CCDC178: variants seen among roughly 807,000 people sequenced by gnomAD.
The protein encoded by CCDC178 is coiled-coil domain containing 178.
Under a neutral mutation model 117.4 loss-of-function variants are expected in CCDC178, and 126 were observed. That is an observed-to-expected ratio of 1.07 (90% confidence interval 0.93 to 1.24). The LOEUF is 1.24. Ranked by LOEUF, CCDC178 falls within the 50% of genes most tolerant of loss-of-function variation. The pLI is 0.00. For synonymous variants in CCDC178, 283 were observed against 313.4 expected (o/e 0.90, Z 1.02); for missense variants, 1,030 against 986.9 (o/e 1.04, Z -0.59).
intron 22 of CCDC178, among the ~76,000 whole-genome samples, chr18:32,952,003 C>T (rs1031300631): frequency 2.0e-5 from 3 of 152,332 alleles, no homozygotes; most frequent in Admixed American, 6.5e-5. Flanking sequence ...GTCATGCTGA[C>T]GTAAGAGGTA....
intron 20 of CCDC178, among the ~76,000 whole-genome samples, chr18:33,101,817 A>G (rs903852459): frequency 2.0e-5 from 3 of 151,994 alleles, no homozygotes; most frequent in Non-Finnish European, 4.4e-5. Context: ...ATTAAGTAAA[A>G]GCTTTGAATG....
chr18:33,031,555 C>T (rs1038248335), intron 21 of CCDC178, among the ~76,000 whole-genome samples: 9 of 151,930 alleles, frequency 5.9e-5, no homozygotes, highest in African/African-American at 7.3e-5. Context: ...TACAGAAAAA[C>T]GCACAAGTAT....
At chr18:33,096,038 C>T (rs1349988274) in intron 20 of CCDC178, among the ~76,000 whole-genome samples, 1 of 151,706 alleles carries the variant, frequency 6.6e-6, no homozygotes, top group Non-Finnish European at 1.5e-5. Flanking sequence ...GGCTTGGCTT[C>T]CTTCTCTGTC....
chr18:33,348,958 G>C lies in CCDC178; in HGVS notation c.389C>G (p.Thr130Arg), dbSNP rs2062933277. 6.2e-7 allele frequency: 1 copy of C among 1,607,894 alleles called. No individual in the cohort carries two copies. The highest frequency in any genetic ancestry group is 1.3e-5 in the African/African-American group (1 of 74,646). Residue 130 changes from threonine to arginine, a missense_variant, in exon 8 of 23, where the codon ACA becomes AGA. Physicochemically the swap from Thr to Arg is moderately conservative, Grantham distance 71. Coordinates refer to ENST00000383096, the MANE Select transcript of CCDC178 (RefSeq NM_001105528.4). ...SFEEWSRTSS[T>R]KDLKEDWSVT... ...ACTCCAATCTTCTTTCAGGTCTTTT[G>C]TGGAAGAAGTTCTGCTCCTATATAA...
At chr18:33,000,318 A>G (rs1248655201) in intron 21 of CCDC178, among the ~76,000 whole-genome samples, 5 of 152,104 alleles carry the variant, frequency 3.3e-5, no homozygotes, top group Middle Eastern at 3.2e-3. Flanking sequence ...ATAATTAAAA[A>G]AAATAAAGCA....
At chr18:33,166,654 T>A (rs2058533764) in intron 20 of CCDC178, among the ~76,000 whole-genome samples, 1 of 152,198 alleles carries the variant, frequency 6.6e-6, no homozygotes, top group Non-Finnish European at 1.5e-5. Context: ...TCTGTCCCCA[T>A]CATCTTTCTA....
At chr18:33,283,568 A>G (rs9962637) in intron 12 of CCDC178, among the ~76,000 whole-genome samples, 10,476 of 152,228 alleles carry the variant, frequency 0.069, 558 homozygotes, top group African/African-American at 0.14. Context: ...TTTACAAGAG[A>G]AAACCAAGTA....
intron 21 of CCDC178, among the ~76,000 whole-genome samples, chr18:33,023,627 C>G (rs967918586): frequency 6.6e-6 from 1 of 152,024 alleles, no homozygotes; most frequent in African/African-American, 2.4e-5. Flanking sequence ...GAAATGAAAG[C>G]TACCAAATCA....
chr18:33,432,746 AT>A (rs557140577), intron 2 of CCDC178, among the ~76,000 whole-genome samples: 2 of 152,024 alleles, frequency 1.3e-5, no homozygotes, highest in Admixed American at 6.6e-5. Context: ...CGTCAGAAAT[AT>A]TTTTTTTAAT....
intron 4 of CCDC178, among the ~76,000 whole-genome samples, chr18:33,396,886 C>A (rs1172451460): frequency 6.6e-6 from 1 of 151,960 alleles, no homozygotes; most frequent in Non-Finnish European, 1.5e-5. Flanking sequence ...ATGAAAAAAA[C>A]CCACATATTA....
chr18:33,088,594 T>C (rs1255427026), intron 21 of CCDC178, among the ~76,000 whole-genome samples: 2 of 152,272 alleles, frequency 1.3e-5, no homozygotes, highest in Non-Finnish European at 1.5e-5. Context: ...TGCTGGTATA[T>C]AGAACAATTG....
chr18:33,337,781 T>C (rs1156903349), intron 9 of CCDC178, among the ~76,000 whole-genome samples: 1 of 152,110 alleles, frequency 6.6e-6, no homozygotes, highest in Non-Finnish European at 1.5e-5. Context: ...AAGACTTAGA[T>C]CTAATACTTG....
At chr18:33,083,600 G>A (rs1365317686) in intron 21 of CCDC178, among the ~76,000 whole-genome samples, 1 of 151,826 alleles carries the variant, frequency 6.6e-6, no homozygotes, top group Non-Finnish European at 1.5e-5. Context: ...AACTTGCTTT[G>A]TATTTTTTAA....
intron 21 of CCDC178, among the ~76,000 whole-genome samples, chr18:33,031,884 T>G (rs1320789579): frequency 6.6e-6 from 1 of 152,100 alleles, no homozygotes; most frequent in South Asian, 2.1e-4. Context: ...TCACACAATA[T>G]ATAGAGCAAT....
intron 20 of CCDC178, among the ~76,000 whole-genome samples, chr18:33,159,818 G>GT (rs2058441979): frequency 6.6e-6 from 1 of 151,986 alleles, no homozygotes. Context: ...CATTTAAATA[G>GT]TATCTATCTG....
At chr18:33,109,604 A>G (rs904524278) in intron 20 of CCDC178, among the ~76,000 whole-genome samples, 1 of 151,546 alleles carries the variant, frequency 6.6e-6, no homozygotes, top group Non-Finnish European at 1.5e-5. Flanking sequence ...ATATAGAAAA[A>G]ATATCATCAC....
intron 6 of CCDC178, among the ~76,000 whole-genome samples, chr18:33,365,412 T>A (rs560082796): frequency 1.3e-5 from 2 of 152,210 alleles, no homozygotes; most frequent in Admixed American, 6.6e-5. Flanking sequence ...AGAGCTCGGA[T>A]ACACCTGGTC....
At chr18:33,181,610 A>G (rs1324512854) in intron 20 of CCDC178, among the ~76,000 whole-genome samples, 3 of 151,916 alleles carry the variant, frequency 2.0e-5, no homozygotes, top group Non-Finnish European at 4.4e-5. Context: ...CCACTTTTGT[A>G]CTGTTCAGTG....
chr18:33,413,278 C>T (rs6507020), intron 2 of CCDC178, among the ~76,000 whole-genome samples: 99,126 of 151,902 alleles, frequency 0.65, 32,678 homozygotes, highest in South Asian at 0.81. Context: ...AAATCCAAGC[C>T]TAGTGCTCTT....
Sources: gnomAD v4.1 joint callset for allele counts (sites outside exome capture counted in the v4.1 genomes callset) on GRCh38, gnomAD v4.1.1 for gene constraint, MANE v1.5 for transcripts, NCBI Gene and HGNC (gene_info 2026-07-23, HGNC 2026-07-21) for gene names.